The following KCNMA1 variants were observed in gnomAD, a reference collection of about 807,000 sequenced individuals.
KCNMA1 encodes the protein potassium calcium-activated channel subfamily M alpha 1.
KCNMA1 carries 29 observed loss-of-function variants against 140.0 expected under a neutral mutation model. That is an observed-to-expected ratio of 0.21 (90% CI 0.15 to 0.28). The LOEUF is 0.28. Ranked by LOEUF, KCNMA1 falls within the 10% of genes least tolerant of loss-of-function variation. The probability of loss-of-function intolerance (pLI) is 1.00; values close to 1 mark genes in which losing one functional copy is unlikely to be tolerated. For synonymous variants in KCNMA1, 612 were observed against 611.9 expected (o/e 1.00, Z 0.00); for missense variants, 880 against 1,602.2 (o/e 0.55, Z 7.70).
intron 3 of KCNMA1, among the ~76,000 whole-genome samples, chr10:77,208,957 G>A (rs984849101): frequency 6.6e-6 from 1 of 152,150 alleles, no homozygotes; most frequent in Non-Finnish European, 1.5e-5. Flanking sequence ...TGCAGTACTT[G>A]GCCAAGCTCA....
intron 1 of KCNMA1, among the ~76,000 whole-genome samples, chr10:77,437,226 T>C (rs2097284032): frequency 6.6e-6 from 1 of 151,918 alleles, no homozygotes; most frequent in Admixed American, 6.6e-5. Flanking sequence ...GATGGAAGGA[T>C]TGTAGTACCT....
intron 19 of KCNMA1, among the ~76,000 whole-genome samples, chr10:76,993,192 C>T (rs536669853): frequency 1.1e-4 from 16 of 152,266 alleles, no homozygotes; most frequent in African/African-American, 3.6e-4. Context: ...TGCCTGTCAC[C>T]TTCAACACAC....
intron 23 of KCNMA1, among the ~76,000 whole-genome samples, chr10:76,921,732 CT>C (rs2055873027): frequency 6.6e-6 from 1 of 152,154 alleles, no homozygotes; most frequent in African/African-American, 2.4e-5. Context: ...AGCACAATTG[CT>C]TTCTAACTTG....
intron 1 of KCNMA1, among the ~76,000 whole-genome samples, chr10:77,489,838 T>A (rs114795974): frequency 0.02 from 2,985 of 152,266 alleles, 115 homozygotes; most frequent in African/African-American, 0.068. Context: ...CAAGGTTCTG[T>A]CTGGCCTCTG....
At chr10:77,429,677 T>A (rs1047546537) in intron 1 of KCNMA1, among the ~76,000 whole-genome samples, 1 of 152,230 alleles carries the variant, frequency 6.6e-6, no homozygotes, top group Admixed American at 6.5e-5. Flanking sequence ...ACTATTTAAT[T>A]GTTTTGTTTG....
chr10:77,089,275 C>G (rs1191568443), intron 10 of KCNMA1, among the ~76,000 whole-genome samples: 2 of 152,164 alleles, frequency 1.3e-5, no homozygotes, highest in Non-Finnish European at 2.9e-5. Context: ...GGAAGCCGAC[C>G]TCAGTGGAAC....
chr10:77,100,944 C>G (rs1186151362), intron 9 of KCNMA1, among the ~76,000 whole-genome samples: 3 of 152,024 alleles, frequency 2.0e-5, no homozygotes, highest in Admixed American at 6.5e-5. Flanking sequence ...CTCCCACCTA[C>G]ATTTCTATTC....
intron 23 of KCNMA1, among the ~76,000 whole-genome samples, chr10:76,920,323 T>C (rs915402867): frequency 4.6e-5 from 7 of 152,030 alleles, no homozygotes; most frequent in Admixed American, 1.3e-4. Flanking sequence ...ACTGAGTGCT[T>C]ACTATGTACT....
chr10:77,001,357 T>C, intron 19 of KCNMA1, 50 bp downstream of exon 19: 1 of 1,501,370 alleles, frequency 6.7e-7, no homozygotes, highest in Non-Finnish European at 9.1e-7. Context: ...ACAGGGATGA[T>C]ACCACAGACA....
chr10:77,351,001 G>C (rs1433749982), intron 2 of KCNMA1, among the ~76,000 whole-genome samples: 1 of 152,168 alleles, frequency 6.6e-6, no homozygotes, highest in Non-Finnish European at 1.5e-5. Context: ...CTATATGTTG[G>C]AGTCTAGCCA....
chr10:77,185,544 CCAGT>C (rs1379650701), intron 3 of KCNMA1, among the ~76,000 whole-genome samples: 1 of 151,940 alleles, frequency 6.6e-6, no homozygotes, highest in Non-Finnish European at 1.5e-5. Flanking sequence ...CATTGTCCGA[CCAGT>C]CAAATTCAGA....
intron 25 of KCNMA1, among the ~76,000 whole-genome samples, chr10:76,897,042 ACACAC>A (rs1357824238): frequency 1.3e-5 from 2 of 151,932 alleles, no homozygotes; most frequent in Admixed American, 6.6e-5. Flanking sequence ...ACACACACAC[ACACAC>A]AATTAGTGAT....
At chr10:77,339,179 G>GA (rs143944211) in intron 2 of KCNMA1, among the ~76,000 whole-genome samples, 4,742 of 145,586 alleles carry the variant, frequency 0.033, 108 homozygotes, top group Non-Finnish European at 0.051. Context: ...TGCAATAAAG[G>GA]AAAAAAAAAA....
chr10:77,426,891 T>C (rs1314793176), intron 1 of KCNMA1, among the ~76,000 whole-genome samples: 4 of 152,166 alleles, frequency 2.6e-5, no homozygotes, highest in African/African-American at 9.7e-5. Flanking sequence ...AAGTAAGAAA[T>C]ACATTTTACA....
chr10:77,422,530 C>T (rs2096888927), intron 1 of KCNMA1, among the ~76,000 whole-genome samples: 1 of 152,224 alleles, frequency 6.6e-6, no homozygotes, highest in Non-Finnish European at 1.5e-5. Context: ...TCTGACCCAT[C>T]TTTCTAGTCT....
At chr10:76,882,773 C>T (rs1171539906), downstream of KCNMA1, among the ~76,000 whole-genome samples, 1 of 152,200 alleles carries the variant, frequency 6.6e-6, no homozygotes, top group Non-Finnish European at 1.5e-5. Flanking sequence ...CCTCTCACCT[C>T]CAATGGTTGC....
intron 5 of KCNMA1, among the ~76,000 whole-genome samples, chr10:77,172,248 T>G (rs1211135844): frequency 6.6e-6 from 1 of 152,192 alleles, no homozygotes; most frequent in Non-Finnish European, 1.5e-5. Context: ...ATACCCCAGA[T>G]GAAGTACAGC....
At chr10:76,923,455 A>C (rs949811564) in intron 23 of KCNMA1, among the ~76,000 whole-genome samples, 1 of 152,008 alleles carries the variant, frequency 6.6e-6, no homozygotes, top group Non-Finnish European at 1.5e-5. Context: ...AGAAAAAAAG[A>C]ATTCGCTTAA....
intron 6 of KCNMA1, among the ~76,000 whole-genome samples, chr10:77,119,202 C>T (rs1443072305): frequency 6.6e-6 from 1 of 152,152 alleles, no homozygotes; most frequent in Admixed American, 6.5e-5. Context: ...TTCCCGCATC[C>T]AAAGGAAAGA....
Sources: gnomAD v4.1 joint callset for allele counts (sites outside exome capture counted in the v4.1 genomes callset) on GRCh38, gnomAD v4.1.1 for gene constraint, MANE v1.5 for transcripts, NCBI Gene and HGNC (gene_info 2026-07-23, HGNC 2026-07-21) for gene names.